The following AP3B2 variants were observed in gnomAD, a reference collection of about 807,000 sequenced individuals.
AP3B2 encodes the protein adaptor related protein complex 3 subunit beta 2.
In AP3B2, 50 loss-of-function variants were observed where a neutral mutation model predicts 126.9. That is an observed-to-expected ratio of 0.39 (90% confidence interval 0.31 to 0.50). The LOEUF (loss-of-function observed/expected upper bound fraction) is 0.50, where lower values mean the gene tolerates loss of function less well. Among genes scored for constraint, AP3B2 ranks in the 20% least tolerant of loss-of-function variants. The pLI, the probability that AP3B2 is intolerant of heterozygous loss-of-function variation, is 0.79. For synonymous variants in AP3B2, 541 were observed against 565.0 expected, an observed-to-expected ratio of 0.96 and a Z score of 0.60; for missense variants, 1,177 against 1,426.4, an observed-to-expected ratio of 0.83 and a Z score of 2.82.
intron 21 of AP3B2, 120 bp downstream of exon 21, chr15:82,663,440 T>C (rs760086451): frequency 5.9e-5 from 72 of 1,212,286 alleles, no homozygotes; most frequent in Non-Finnish European, 7.3e-5. Context: ...TGAAGATATG[T>C]TCTGTCTGCT....
Position 82,681,594 on chromosome 15 carries a change from T to A in AP3B2, c.361-14A>T. The stretch of plus-strand genomic sequence containing the variant: ...CTGGTTGGGATCCTAAAGGCAGAGG[T>A]GGAGGCAGAGCTATGAAAGGGCACC... On this transcript the variant is annotated splice_polypyrimidine_tract_variant and intron_variant, in intron 4 of 26. Transcript: ENST00000535359. The surrounding 1 kb of genome is among the most constrained non-coding windows in gnomAD (Gnocchi z 4.0). The A allele has an allele frequency of 6.2e-7, 1 of 1,610,842 alleles. No homozygotes were observed. Among genetic ancestry groups the A allele is most frequent in the South Asian group, 1.1e-5 (1 of 90,968 alleles).
Position 82,680,885 on chromosome 15 carries a change from G to A in AP3B2, c.723C>T (p.Ser241=), listed in dbSNP as rs34629393. ...VEEWGQVVII[S]MLTRYARTQF... ...GCGTGCGGGCGTAGCGGGTGAGCAT[G>A]CTGATGATGACCACCTGGCCCCACT... The change falls in exon 7 of 27, where the codon AGC becomes AGT. Residue 241 remains serine (S), a synonymous_variant. Coordinates refer to ENST00000535359, the MANE Select transcript of AP3B2 (RefSeq NM_001278512.2). The surrounding 1 kb of genome is among the most constrained non-coding windows in gnomAD (Gnocchi z 6.1). 2.4e-3 allele frequency: 3,819 copies of A among 1,613,920 alleles called. 79 individuals are homozygous for A. In the African/African-American group the frequency reaches 0.042, roughly 18 times the overall value.
Position 82,709,775 on chromosome 15 carries a change from GA to G in AP3B2, c.-70del. On this transcript the variant is annotated 5_prime_UTR_variant, in exon 1 of 27. Coordinates refer to ENST00000535359, the MANE Select transcript of AP3B2 (RefSeq NM_001278512.2). ...GGAGGCCGGCTGGAGCGGAGGAAGG[GA>G]AGGCGGGCCGGTCCGGTCCGGGCTG... 7.7e-7 allele frequency: 1 copy of G among 1,306,218 alleles called. No individual in the cohort carries two copies. Among genetic ancestry groups the G allele is most frequent in the Admixed American group, 2.7e-5 (1 of 36,508 alleles). 80.9% of individuals were successfully genotyped at this position (1,306,218 alleles called of 1,614,324 possible).
chr15:82,676,261 C>T (rs1215368301), intron 14 of AP3B2, among the ~76,000 whole-genome samples, 200 bp downstream of exon 14: 1 of 152,094 alleles, frequency 6.6e-6, no homozygotes, highest in Admixed American at 6.5e-5. Flanking sequence ...AGAGTCTCTT[C>T]AACAGTGACC....
chr15:82,662,671 A>G, intron 23 of AP3B2, 23 bp downstream of exon 23: 1 of 1,590,978 alleles, frequency 6.3e-7, no homozygotes, highest in Non-Finnish European at 8.6e-7. Flanking sequence ...CTCCTCCTCC[A>G]CCCCATCCAA....
rs34585442 is a variant in AP3B2, at chr15:82,666,871, G to A, written c.1728C>T (p.Arg576=). 149 of 1,613,992 alleles carry A rather than the reference G, an allele frequency of 9.2e-5. No homozygotes were observed. The African/African-American group carries it at 1.2e-3, about 13-fold the overall frequency. Residue 576 remains arginine (R), a synonymous_variant, in exon 15 of 27, where the codon CGC becomes CGT. Coordinates refer to ENST00000535359, the MANE Select transcript of AP3B2 (RefSeq NM_001278512.2). ...LAKYDQNYDI[R]DRARFTRQLI... ...GCTGCCGGGTGAAGCGCGCCCGGTC[G>A]CGAATATCATAGTTCTGGTCATATT...
rs901199304 is a variant in AP3B2, at chr15:82,680,763, G to C, written c.772-8C>G. The stretch of plus-strand genomic sequence containing the variant: ...CTCCTCTAGTAGGGATTCCTGGACG[G>C]GGAGACCGACGGGTCTGTGGGCGCC... On this transcript the variant is annotated splice_region_variant and splice_polypyrimidine_tract_variant and intron_variant, in intron 7 of 26. Coordinates refer to ENST00000535359, the MANE Select transcript of AP3B2 (RefSeq NM_001278512.2). This position sits in a 1 kb window ranked among gnomAD's most constrained non-coding sequence, Gnocchi z 6.1. The C allele has an allele frequency of 3.1e-6, 5 of 1,593,612 alleles. No individual in the cohort carries two copies. The highest frequency in any genetic ancestry group is 4.3e-6 in the Non-Finnish European group (5 of 1,171,170).
intron 4 of AP3B2, among the ~76,000 whole-genome samples, chr15:82,682,559 AT>A (rs1182879700): frequency 6.6e-6 from 1 of 151,966 alleles, no homozygotes; most frequent in Non-Finnish European, 1.5e-5. Flanking sequence ...AGTCACATAA[AT>A]TTTTTGTTTC....
chr15:82,677,920 G>C, intron 11 of AP3B2, 117 bp from the exon 12 acceptor site: 1 of 1,394,784 alleles, frequency 7.2e-7, no homozygotes, highest in Non-Finnish European at 9.6e-7. Flanking sequence ...ACTTGGGAAA[G>C]GGGGTGACAA....
intron 1 of AP3B2, chr15:82,692,341 A>C: frequency 1.8e-6 from 1 of 546,180 alleles, no homozygotes; most frequent in African/African-American, 2.0e-5. Context: ...AGATGCGCTC[A>C]TCCGCCCAGC....
At chr15:82,692,214 A>G in intron 1 of AP3B2, 1 of 1,265,704 alleles carries the variant, frequency 7.9e-7, no homozygotes. Flanking sequence ...CTCAAAGCGC[A>G]CCAAGGCGAA....
At chr15:82,687,706 T>G (rs1350596498) in intron 4 of AP3B2, 1 of 152,192 alleles carries the variant, frequency 6.6e-6, no homozygotes, top group Non-Finnish European at 1.5e-5. Flanking sequence ...GGACAAGGGG[T>G]GGGCCCTGGA....
At chr15:82,706,399 C>T (rs954615629) in intron 1 of AP3B2, among the ~76,000 whole-genome samples, 4 of 152,140 alleles carry the variant, frequency 2.6e-5, no homozygotes, top group African/African-American at 9.7e-5. Flanking sequence ...TTCCTCATTA[C>T]ACAAGGGTCC....
Position 82,661,811 on chromosome 15 carries a change from CAGGG to C in AP3B2, c.3016+10_3016+13del. On this transcript the variant is annotated intron_variant, in intron 25 of 26. Coordinates refer to ENST00000535359, the MANE Select transcript of AP3B2 (RefSeq NM_001278512.2). ...CTATACTTCCCTCTCTGCCCACTCC[CAGGG>C]AGCACTCACCCTGTTCCTTCTTAAA... is the stretch of plus-strand genomic sequence containing the variant. 5 of 1,605,472 alleles carry C rather than the reference CAGGG, an allele frequency of 3.1e-6. No individual in the cohort carries two copies. The highest frequency in any genetic ancestry group is 4.3e-6 in the Non-Finnish European group (5 of 1,174,942).
intron 25 of AP3B2, among the ~76,000 whole-genome samples, chr15:82,660,205 T>C (rs1235401068): frequency 1.3e-5 from 2 of 152,130 alleles, no homozygotes; most frequent in African/African-American, 4.8e-5. Context: ...CACCCAGGCC[T>C]TTATCCATGT....
intron 4 of AP3B2, among the ~76,000 whole-genome samples, chr15:82,683,037 TGCACCAGG>T (rs1473484858): frequency 7.0e-6 from 1 of 143,426 alleles, no homozygotes; most frequent in Non-Finnish European, 1.5e-5. Context: ...TCACAGCATC[TGCACCAGG>T]AGTTTTTTTT....
chr15:82,679,647 AG>A, intron 10 of AP3B2, 81 bp downstream of exon 10: 2 of 1,220,014 alleles, frequency 1.6e-6, no homozygotes, highest in Non-Finnish European at 2.3e-6. Flanking sequence ...GGCAGGCACC[AG>A]GGGGGCCACT....
intron 25 of AP3B2, among the ~76,000 whole-genome samples, chr15:82,661,293 C>T (rs996860589): frequency 5.9e-5 from 9 of 152,190 alleles, no homozygotes; most frequent in Middle Eastern, 3.2e-3. Flanking sequence ...CTAAATAGCT[C>T]CTCCTGAATT....
At chr15:82,687,495 C>T (rs1447403462) in intron 4 of AP3B2, 1 of 152,220 alleles carries the variant, frequency 6.6e-6, no homozygotes, top group Non-Finnish European at 1.5e-5. Context: ...ATACTTAACC[C>T]TTACTCAAAC....
Sources: allele counts gnomAD v4.1 joint callset (sites outside exome capture counted in the v4.1 genomes callset), GRCh38; gene constraint gnomAD v4.1.1; non-coding constraint Gnocchi (gnomAD v3.1); transcripts MANE v1.5; gene names NCBI Gene and HGNC (gene_info 2026-07-23, HGNC 2026-07-21).